Variants in ZNF438 observed in about 807,000 individuals in gnomAD.
The protein encoded by ZNF438 is zinc finger protein 438.
In ZNF438, 25 loss-of-function variants were observed where a neutral mutation model predicts 38.0. The ratio of observed to expected loss-of-function variants is 0.66; its 90% CI spans 0.48 to 0.92. The LOEUF is 0.92. Ranked by LOEUF, ZNF438 falls within the 40% of genes least tolerant of loss-of-function variation. ZNF438 has a pLI of 0.00. For missense variants in ZNF438, 1,007 were observed against 999.6 expected, an observed-to-expected ratio of 1.01 and a Z score of -0.10; for synonymous variants, 372 against 364.1, an observed-to-expected ratio of 1.02 and a Z score of -0.25.
intron 1 of ZNF438, among the ~76,000 whole-genome samples, chr10:31,012,286 G>T (rs965484907): frequency 5.3e-5 from 8 of 151,880 alleles, no homozygotes; most frequent in African/African-American, 1.9e-4. Flanking sequence ...ACCACGCCCG[G>T]CTAATTTTTT....
At chr10:31,016,229 T>C (rs2056185307) in intron 1 of ZNF438, among the ~76,000 whole-genome samples, 1 of 150,944 alleles carries the variant, frequency 6.6e-6, no homozygotes, top group African/African-American at 2.4e-5. Context: ...AAAAGAAACA[T>C]AGCATAATTA....
intron 1 of ZNF438, among the ~76,000 whole-genome samples, chr10:31,022,607 A>G (rs1373909290): frequency 6.6e-6 from 1 of 152,198 alleles, no homozygotes; most frequent in Non-Finnish European, 1.5e-5. Flanking sequence ...TCTGAGAAGT[A>G]CACTCAGCAA....
At chr10:31,010,905 A>T (rs796391464) in intron 1 of ZNF438, among the ~76,000 whole-genome samples, 2 of 120,330 alleles carry the variant, frequency 1.7e-5, no homozygotes, top group African/African-American at 5.6e-5. Context: ...AAAAAAAAAA[A>T]AAAAAAAAAA....
intron 1 of ZNF438, among the ~76,000 whole-genome samples, chr10:30,996,849 T>C (rs1041158131): frequency 4.6e-5 from 7 of 152,110 alleles, no homozygotes; most frequent in Non-Finnish European, 1.0e-4. Context: ...AAGAATGTTC[T>C]CTGAAACAAT....
intron 4 of ZNF438, among the ~76,000 whole-genome samples, chr10:30,872,321 G>C (rs2037560488): frequency 6.6e-6 from 1 of 151,308 alleles, no homozygotes; most frequent in Non-Finnish European, 1.5e-5. Flanking sequence ...AGCTATTCGG[G>C]AGGCTGAGGC....
At chr10:30,948,835 T>G (rs2135716391) in intron 1 of ZNF438, among the ~76,000 whole-genome samples, 1 of 150,432 alleles carries the variant, frequency 6.6e-6, no homozygotes, top group South Asian at 2.1e-4. Flanking sequence ...TGCAGGATAT[T>G]ATCCAGGAGA....
At chr10:30,923,532 C>T (rs1163830531) in intron 2 of ZNF438, 1 of 152,114 alleles carries the variant, frequency 6.6e-6, no homozygotes, top group Non-Finnish European at 1.5e-5. Context: ...TTCATATGGA[C>T]ACTCTATTGC....
At chr10:30,940,820 TTAA>T (rs1269106142) in intron 2 of ZNF438, among the ~76,000 whole-genome samples, 3 of 152,312 alleles carry the variant, frequency 2.0e-5, no homozygotes, top group African/African-American at 7.2e-5. Context: ...ACACAAACAG[TTAA>T]TAAACATTTA....
At chr10:31,006,777 G>GC (rs1554919214) in intron 1 of ZNF438, among the ~76,000 whole-genome samples, 3 of 108,202 alleles carry the variant, frequency 2.8e-5, no homozygotes, top group African/African-American at 5.8e-5. Context: ...TTGGCGGGGG[G>GC]CGGGGGGGGG....
At chr10:30,985,963 A>G (rs1589585361) in intron 1 of ZNF438, among the ~76,000 whole-genome samples, 1 of 152,334 alleles carries the variant, frequency 6.6e-6, no homozygotes, top group Admixed American at 6.5e-5. Flanking sequence ...TTATCAAGCT[A>G]TATTTTCACT....
At chr10:30,944,489 G>A (rs1339449405) in intron 1 of ZNF438, among the ~76,000 whole-genome samples, 2 of 152,176 alleles carry the variant, frequency 1.3e-5, no homozygotes, top group African/African-American at 2.4e-5. Flanking sequence ...AAAGTAGTAT[G>A]AAGAAAACTA....
At chr10:30,948,643 G>A (rs1185695244) in intron 1 of ZNF438, among the ~76,000 whole-genome samples, 1 of 150,784 alleles carries the variant, frequency 6.6e-6, no homozygotes, top group Non-Finnish European at 1.5e-5. Context: ...TGGAAGAAAG[G>A]GTATCAGCGA....
intron 1 of ZNF438, among the ~76,000 whole-genome samples, chr10:31,001,049 A>C (rs1189087764): frequency 6.6e-6 from 1 of 152,160 alleles, no homozygotes; most frequent in Non-Finnish European, 1.5e-5. Flanking sequence ...TTAAGAAATA[A>C]CTGCTTCTCC....
At chr10:30,930,987 G>A (rs2045628936) in intron 2 of ZNF438, among the ~76,000 whole-genome samples, 2 of 152,202 alleles carry the variant, frequency 1.3e-5, no homozygotes, top group South Asian at 4.1e-4. Flanking sequence ...TACTCTGTGA[G>A]ACCCTCACGG....
At chr10:30,924,203 G>T (rs2044644966) in intron 2 of ZNF438, among the ~76,000 whole-genome samples, 1 of 152,132 alleles carries the variant, frequency 6.6e-6, no homozygotes. Context: ...TTTGGTCTAG[G>T]TCCTGATGTT....
At chr10:31,012,413 G>T in intron 1 of ZNF438, among the ~76,000 whole-genome samples, 1 of 152,066 alleles carries the variant, frequency 6.6e-6, no homozygotes, top group Non-Finnish European at 1.5e-5. Context: ...ATGAGCCACA[G>T]TGCCTGGCCA....
intron 1 of ZNF438, among the ~76,000 whole-genome samples, chr10:30,947,622 G>C (rs11008308): frequency 0.24 from 36,341 of 151,204 alleles, 5,016 homozygotes; most frequent in East Asian, 0.58. Flanking sequence ...CCCTCTCCCA[G>C]CCTCACTGCC....
At position 31,028,495 on chromosome 10, in the gene ZNF438, A is replaced by T. The variant is rs189604646; in HGVS notation, c.-192+3338T>A. 4.2e-3 allele frequency among the ~76,000 whole-genome samples: 632 copies of T among 152,048 alleles called. 2 individuals carry two copies. Among genetic ancestry groups the T allele is most frequent in the Non-Finnish European group, 4.8e-3 (326 of 68,000 alleles). ...TTGAGTAATTCTTTTGTTGAAAAGG[A>T]CTCTTGGGGAGCCTCAACTTCATCC... is the stretch of plus-strand genomic sequence containing the variant. On this transcript the variant is annotated intron_variant, in intron 1 of 5. Coordinates refer to ENST00000413025, the Ensembl canonical transcript of ZNF438.
At chr10:30,900,668 C>T (rs1176879249) in intron 3 of ZNF438, among the ~76,000 whole-genome samples, 1 of 152,168 alleles carries the variant, frequency 6.6e-6, no homozygotes, top group African/African-American at 2.4e-5. Context: ...TACGCTCACC[C>T]AGCTAGTAAA....
Sources: gnomAD v4.1 joint callset for allele counts (sites outside exome capture counted in the v4.1 genomes callset) on GRCh38, gnomAD v4.1.1 for gene constraint, MANE v1.5 for transcripts, NCBI Gene and HGNC (gene_info 2026-07-23, HGNC 2026-07-21) for gene names.